TGFBRAP1: variants seen among roughly 807,000 people sequenced by gnomAD.
The protein encoded by TGFBRAP1 is transforming growth factor beta receptor associated protein 1, also known as transforming growth factor-beta receptor-associated protein 1.
A neutral mutation model predicts 83.2 loss-of-function variants in TGFBRAP1; 20 were observed. The ratio of observed to expected loss-of-function variants is 0.24; its 90% confidence interval spans 0.17 to 0.35. The LOEUF is 0.35. TGFBRAP1 is among the 10% of genes least tolerant of loss of function. The probability of loss-of-function intolerance (pLI) is 1.00; values close to 1 mark genes in which losing one functional copy is unlikely to be tolerated. For synonymous variants in TGFBRAP1, 415 were observed against 459.8 expected, an observed-to-expected ratio of 0.90 and a Z score of 1.25; for missense variants, 950 against 1,099.4, an observed-to-expected ratio of 0.86 and a Z score of 1.92.
chr2:105,252,105 C>A, the TGFBRAP1 span, among the ~76,000 whole-genome samples: 1 of 151,382 alleles, frequency 6.6e-6, no homozygotes, highest in Non-Finnish European at 1.5e-5. Context: ...TGCCAAATCC[C>A]CCTCTGCGAG....
chr2:105,258,713 CT>C, the TGFBRAP1 span, among the ~76,000 whole-genome samples: 2 of 147,636 alleles, frequency 1.4e-5, no homozygotes, highest in Admixed American at 1.4e-4. Context: ...ATCACACGCC[CT>C]TTCTCTCCCC....
the TGFBRAP1 span, among the ~76,000 whole-genome samples, chr2:105,253,384 C>T: frequency 2.6e-5 from 4 of 152,144 alleles, no homozygotes; most frequent in African/African-American, 4.8e-5. Flanking sequence ...TCGCCTGCCT[C>T]GGCCTCTCAA....
At chr2:105,262,857 A>G (rs1447735374), downstream of TGFBRAP1, among the ~76,000 whole-genome samples, 1 of 152,192 alleles carries the variant, frequency 6.6e-6, no homozygotes, top group Non-Finnish European at 1.5e-5. Flanking sequence ...TCTCCCAACA[A>G]CTGCTAAGCC....
At position 105,308,117 on chromosome 2, in the gene TGFBRAP1, G is replaced by A. The variant is rs190447596; in HGVS notation, c.185C>T (p.Thr62Met). ...EERPVPAGPA[T>M]FTATKQLQRH... The stretch of plus-strand genomic sequence containing the variant: ...CTGCAGCTGTTTGGTGGCAGTGAAC[G>A]TGGCTGGCCCAGCAGGCACTGGCCT... Residue 62 changes from threonine to methionine, a missense_variant, in exon 2 of 12, where the codon ACG becomes ATG. Transcript: ENST00000393359. 30 of 1,614,190 alleles carry A rather than the reference G, an allele frequency of 1.9e-5. No homozygotes were observed. Among genetic ancestry groups the A allele is most frequent in the Middle Eastern group, 3.3e-4 (2 of 6,062 alleles).
chr2:105,278,066 ATATGTGTGTGTGTG>A (rs777211882), intron 6 of TGFBRAP1, among the ~76,000 whole-genome samples: 6 of 113,702 alleles, frequency 5.3e-5, no homozygotes, highest in Admixed American at 9.7e-5. Context: ...CTCAAAAAAT[ATATGTGTGTGTGTG>A]TGTGTGTGTG....
chr2:105,258,039 A>C, the TGFBRAP1 span, among the ~76,000 whole-genome samples: 1 of 152,266 alleles, frequency 6.6e-6, no homozygotes, highest in South Asian at 2.1e-4. Context: ...CCCCCTTTGC[A>C]TGAAACACAG....
rs1274394386 is a variant in TGFBRAP1, at chr2:105,284,424, C to T, written c.1039-26G>A. The T allele has an allele frequency of 1.2e-5, 20 of 1,606,026 alleles. No homozygotes were observed. The East Asian group carries it at 4.5e-4, about 36-fold the overall frequency. On this transcript the variant is annotated intron_variant, in intron 4 of 11. Coordinates refer to ENST00000393359, the MANE Select transcript of TGFBRAP1 (RefSeq NM_004257.6). ...CTGCAAGGAAAGACGGGTGTAATCT[C>T]TTAGTGAATCTTGAAACCATCACGG...
At chr2:105,250,638 C>T in the TGFBRAP1 span, among the ~76,000 whole-genome samples, 14 of 149,526 alleles carry the variant, frequency 9.4e-5, no homozygotes, top group Non-Finnish European at 1.6e-4. Context: ...TCTCCCTCTC[C>T]CCACGGTCTC....
the TGFBRAP1 span, among the ~76,000 whole-genome samples, chr2:105,258,174 G>A: frequency 1.3e-3 from 196 of 152,300 alleles, 1 homozygote; most frequent in Non-Finnish European, 1.8e-3. Flanking sequence ...TCTGCCCCAG[G>A]AGGAAACAAG....
At chr2:105,313,687 A>G (rs17689458) in intron 1 of TGFBRAP1, among the ~76,000 whole-genome samples, 7,334 of 152,256 alleles carry the variant, frequency 0.048, 210 homozygotes, top group Middle Eastern at 0.075. Context: ...ACTAAATATT[A>G]GCACACGAAA....
chr2:105,280,245 C>A (rs1001139255), intron 6 of TGFBRAP1, 137 bp downstream of exon 6: 11 of 848,190 alleles, frequency 1.3e-5, no homozygotes, highest in Non-Finnish European at 2.0e-5. Flanking sequence ...ACTATGATTT[C>A]GTGGCAGTCA....
chr2:105,251,179 G>C, the TGFBRAP1 span, among the ~76,000 whole-genome samples: 16,716 of 149,172 alleles, frequency 0.11, 1,138 homozygotes, highest in Non-Finnish European at 0.15. Context: ...GAGAGTCTCT[G>C]CCCGGCCGCC....
chr2:105,273,532 T>C lies in TGFBRAP1; in HGVS notation c.1812+12A>G. The C allele has an allele frequency of 6.2e-7, 1 of 1,613,770 alleles. No individual in the cohort carries two copies. The highest frequency in any genetic ancestry group is 8.5e-7 in the Non-Finnish European group (1 of 1,179,886). On this transcript the variant is annotated intron_variant, in intron 9 of 11. Transcript: ENST00000393359. ...AGCCCACACTCTTTAGTCTAACTTC[T>C]GCAGTGCTCACCTGCAGTCTCTTGT...
At chr2:105,324,801 G>C (rs1679176485) in intron 1 of TGFBRAP1, among the ~76,000 whole-genome samples, 1 of 152,154 alleles carries the variant, frequency 6.6e-6, no homozygotes, top group Non-Finnish European at 1.5e-5. Context: ...GGACACTCAG[G>C]CTGGGAAGGA....
chr2:105,304,054 A>G (rs1013322910), intron 2 of TGFBRAP1, among the ~76,000 whole-genome samples: 6 of 152,232 alleles, frequency 3.9e-5, no homozygotes, highest in Admixed American at 3.9e-4. Context: ...ATACTTAAAC[A>G]TAAGTGTATA....
At chr2:105,261,891 G>A (rs1463603091), downstream of TGFBRAP1, among the ~76,000 whole-genome samples, 1 of 152,156 alleles carries the variant, frequency 6.6e-6, no homozygotes, top group African/African-American at 2.4e-5. Flanking sequence ...AGTAGAGTGG[G>A]CTAGAGTCAC....
intron 10 of TGFBRAP1, among the ~76,000 whole-genome samples, chr2:105,270,801 G>A (rs1304266264): frequency 1.3e-5 from 2 of 152,204 alleles, no homozygotes; most frequent in Admixed American, 6.5e-5. Context: ...AAGACCCTGG[G>A]TGAGGTACAA....
chr2:105,267,370 T>G lies in TGFBRAP1; in HGVS notation c.*13A>C, dbSNP rs1393105725. 3.7e-6 allele frequency: 6 copies of G among 1,613,802 alleles called. No individual in the cohort carries two copies. The highest frequency in any genetic ancestry group is 5.1e-6 in the Non-Finnish European group (6 of 1,179,908). ...GAACTCGGAGTTCCCCTCGCACCCT[T>G]GGGCCAAGCTTTTCAAGTCCGAGTG... is the stretch of plus-strand genomic sequence containing the variant. On this transcript the variant is annotated 3_prime_UTR_variant, in exon 12 of 12. Coordinates refer to ENST00000393359, the MANE Select transcript of TGFBRAP1 (RefSeq NM_004257.6).
At chr2:105,288,714 G>C (rs1413741354) in intron 4 of TGFBRAP1, among the ~76,000 whole-genome samples, 2 of 152,018 alleles carry the variant, frequency 1.3e-5, no homozygotes, top group East Asian at 3.9e-4. Flanking sequence ...GTAAGTTATT[G>C]TCTAAACAGA....
Sources: gnomAD v4.1 joint callset for allele counts (sites outside exome capture counted in the v4.1 genomes callset) on GRCh38, gnomAD v4.1.1 for gene constraint, MANE v1.5 for transcripts, NCBI Gene and HGNC (gene_info 2026-07-23, HGNC 2026-07-21) for gene names.